MCM10: variants seen among roughly 807,000 people sequenced by gnomAD.
MCM10 encodes protein MCM10 homolog.
MCM10 carries 91 observed loss-of-function variants against 109.9 expected under a neutral mutation model. The ratio of observed to expected loss-of-function variants is 0.83; its 90% confidence interval spans 0.70 to 0.99. MCM10 has a LOEUF of 0.99. MCM10 is among the 50% of genes least tolerant of loss of function. The probability of loss-of-function intolerance (pLI) is 0.00; values close to 1 mark genes in which losing one functional copy is unlikely to be tolerated. For synonymous variants in MCM10, 380 were observed against 387.2 expected (o/e 0.98, Z 0.22); for missense variants, 1,077 against 1,061.2 (o/e 1.01, Z -0.21).
At chr10:13,202,369 GACAAGAA>G (rs1834511878) in intron 17 of MCM10, among the ~76,000 whole-genome samples, 2 of 152,012 alleles carry the variant, frequency 1.3e-5, no homozygotes, top group Non-Finnish European at 2.9e-5. Context: ...AAAGAAAAAA[GACAAGAA>G]AGAAGAAAGC....
rs978059354 is a variant in MCM10, at chr10:13,209,675, G to A, written c.*365G>A. 6.4e-5 allele frequency: 13 copies of A among 201,858 alleles called. No homozygotes were observed. The highest frequency in any genetic ancestry group is 2.2e-4 in the Admixed American group (4 of 18,236). 12.5% of individuals were successfully genotyped at this position (201,858 alleles called of 1,614,324 possible). A position where few individuals can be genotyped will look rare whatever the true frequency, so the allele number is the denominator to read the frequency against. On this transcript the variant is annotated 3_prime_UTR_variant, in exon 20 of 20. Coordinates refer to ENST00000378714, the MANE Select transcript of MCM10 (RefSeq NM_018518.5). Reference sequence around the variant, plus strand: ...CATAACAAAATTCTAGTGTTTATACGAACACCCAGAGGCAAAAGAATTTGG... The same window carrying A: ...CATAACAAAATTCTAGTGTTTATACAAACACCCAGAGGCAAAAGAATTTGG...
intron 16 of MCM10, among the ~76,000 whole-genome samples, chr10:13,199,791 A>G (rs1030628232): frequency 1.1e-4 from 16 of 152,182 alleles, no homozygotes; most frequent in Non-Finnish European, 2.4e-4. Context: ...GGAGGCTCAC[A>G]TAGGTTTGTG....
chr10:13,172,810 TTATGTGTGTGGGGGTGTTCA>T lies in MCM10; in HGVS notation c.592+47_592+66del, dbSNP rs772473922. The T allele has an allele frequency of 3.7e-6, 6 of 1,602,642 alleles. No homozygotes were observed. Among genetic ancestry groups the T allele is most frequent in the Admixed American group, 1.7e-5 (1 of 59,760 alleles). On this transcript the variant is annotated intron_variant, in intron 5 of 19. Transcript: ENST00000378714. The surrounding 1 kb of genome is among the most constrained non-coding windows in gnomAD (Gnocchi z 5.2). ...AGTATCTTGGCACTATTGTATGTGT[TTATGTGTGTGGGGGTGTTCA>T]TGTGTGTGTGGGTGTCTGTGTCTTT...
intron 17 of MCM10, 22 bp downstream of exon 17, chr10:13,201,556 A>G: frequency 6.4e-7 from 1 of 1,557,278 alleles, no homozygotes; most frequent in Non-Finnish European, 8.8e-7. Flanking sequence ...TGGGGGCTGC[A>G]GCAACCCATG....
chr10:13,183,488 A>G (rs1268821492), intron 8 of MCM10, among the ~76,000 whole-genome samples: 1 of 152,200 alleles, frequency 6.6e-6, no homozygotes, highest in African/African-American at 2.4e-5. Flanking sequence ...TACCTCCAGA[A>G]AATAAGTCAT....
chr10:13,164,316 C>G (rs977926039), intron 2 of MCM10, 107 bp downstream of exon 2: 1 of 1,082,664 alleles, frequency 9.2e-7, no homozygotes, highest in Non-Finnish European at 1.3e-6. Flanking sequence ...CTCCCCAGCC[C>G]TCAGGTATTG....
intron 1 of MCM10, among the ~76,000 whole-genome samples, chr10:13,163,255 C>T (rs1468964362): frequency 1.3e-5 from 2 of 152,104 alleles, no homozygotes; most frequent in Non-Finnish European, 2.9e-5. Context: ...AGGAGAATCA[C>T]TGGAGCCTGG....
chr10:13,190,130 A>G (rs1048068916), intron 10 of MCM10, among the ~76,000 whole-genome samples: 3 of 152,250 alleles, frequency 2.0e-5, no homozygotes, highest in African/African-American at 7.2e-5. Flanking sequence ...TATATAAAGC[A>G]TATCTGAGGA....
At chr10:13,164,290 T>C (rs1447092142) in intron 2 of MCM10, 81 bp downstream of exon 2, 1 of 1,384,752 alleles carries the variant, frequency 7.2e-7, no homozygotes, top group Non-Finnish European at 9.8e-7. Flanking sequence ...ATTCTACCTG[T>C]AAAATGGTGA....
chr10:13,173,649 T>C (rs1834104443), intron 5 of MCM10, among the ~76,000 whole-genome samples: 1 of 152,254 alleles, frequency 6.6e-6, no homozygotes, highest in Non-Finnish European at 1.5e-5. Flanking sequence ...AGCATGGGTC[T>C]GTGCCACAGT....
chr10:13,166,971 T>G (rs1834009588), intron 2 of MCM10, among the ~76,000 whole-genome samples: 1 of 151,534 alleles, frequency 6.6e-6, no homozygotes, highest in African/African-American at 2.4e-5. Flanking sequence ...AGACCCCATT[T>G]CTACAAAAAA....
intron 17 of MCM10, among the ~76,000 whole-genome samples, chr10:13,202,935 C>G (rs932125357): frequency 1.3e-5 from 2 of 152,134 alleles, no homozygotes; most frequent in Admixed American, 6.5e-5. Flanking sequence ...ACCTCTGCCT[C>G]CCTGGTTCAA....
Position 13,191,363 on chromosome 10 carries a change from A to C in MCM10, c.1480A>C (p.Thr494Pro). ...TCTGAGTAATCTGGTTGTTAAGGGC[A>C]CAAACTTGATCATCCAGGAAACACG... ...TTLSNLVVKGTNLIIQETRQK... is the reference protein window; with the variant it reads ...TTLSNLVVKGPNLIIQETRQK... Residue 494 changes from threonine to proline, a missense_variant, in exon 11 of 20, where the codon ACA (threonine) becomes CCA (proline). Thr to Pro is a conservative substitution (Grantham distance 38). Coordinates refer to ENST00000378714, the MANE Select transcript of MCM10 (RefSeq NM_018518.5). 6.2e-7 allele frequency: 1 copy of C among 1,614,126 alleles called. No individual in the cohort carries two copies. Among genetic ancestry groups the C allele is most frequent in the Non-Finnish European group, 8.5e-7 (1 of 1,179,996 alleles).
chr10:13,187,761 G>A (rs954059606), intron 9 of MCM10, among the ~76,000 whole-genome samples: 1 of 152,132 alleles, frequency 6.6e-6, no homozygotes, highest in Non-Finnish European at 1.5e-5. Flanking sequence ...TTAATTGGTG[G>A]ACAGGAAAGA....
In MCM10 at chr10:13,171,236, C is replaced by T; in HGVS notation, c.322C>T (p.Arg108Ter). 1 of 1,611,004 alleles carries T rather than the reference C, an allele frequency of 6.2e-7. No individual in the cohort carries two copies. The highest frequency in any genetic ancestry group is 1.1e-5 in the South Asian group (1 of 90,782). Residue 108 changes from arginine (R) to a stop codon, truncating the protein, a stop_gained, in exon 3 of 20, where the codon CGA becomes TGA. Transcript: ENST00000378714. LOFTEE classifies it high-confidence loss of function. ...NRVLPAPAPR[R>*]EKTNEELQEE... ...GGTCCTCCCTGCTCCTGCCCCCAGG[C>T]GAGAGAAAACGAATGAAGAGTTGCA...
In MCM10 at chr10:13,195,947, A is replaced by G. The variant is rs761944136; in HGVS notation, c.1974+678A>G. On this transcript the variant is annotated intron_variant, in intron 14 of 19. Coordinates refer to ENST00000378714, the MANE Select transcript of MCM10 (RefSeq NM_018518.5). ...GAGACAGACTATCCCCCTGTCACCC[A>G]TGCTAGAGTGCAGTGGTGCAATTAT... is the stretch of plus-strand genomic sequence containing the variant. Among the ~76,000 whole-genome samples, 8 of 152,184 alleles carry G rather than the reference A, an allele frequency of 5.3e-5. No homozygotes were observed. In the South Asian group the frequency reaches 1.7e-3, roughly 32 times the overall value.
chr10:13,173,068 G>A (rs1250137638), intron 5 of MCM10, among the ~76,000 whole-genome samples: 2 of 152,074 alleles, frequency 1.3e-5, no homozygotes, highest in African/African-American at 4.8e-5. Flanking sequence ...AGCCAGGTGT[G>A]TTGCTTGCCT....
chr10:13,162,297 A>G (rs1250235556), intron 1 of MCM10, among the ~76,000 whole-genome samples: 1 of 152,086 alleles, frequency 6.6e-6, no homozygotes, highest in Non-Finnish European at 1.5e-5. Flanking sequence ...GAGAGAGAAT[A>G]TGAATCATTG....
At chr10:13,164,908 A>C (rs1023437934) in intron 2 of MCM10, among the ~76,000 whole-genome samples, 1 of 152,240 alleles carries the variant, frequency 6.6e-6, no homozygotes, top group Non-Finnish European at 1.5e-5. Context: ...TTAAAAAATT[A>C]AAATGATTGT....
Sources: gnomAD v4.1 joint callset for allele counts (sites outside exome capture counted in the v4.1 genomes callset) on GRCh38, gnomAD v4.1.1 for gene constraint, Gnocchi (gnomAD v3.1) non-coding constraint, MANE v1.5 for transcripts, NCBI Gene and HGNC (gene_info 2026-07-23, HGNC 2026-07-21) for gene names.